Variants in HEXA observed in about 807,000 individuals in gnomAD.
HEXA encodes the protein beta-hexosaminidase subunit alpha.
HEXA carries 54 observed loss-of-function variants against 73.3 expected under a neutral mutation model. The ratio of observed to expected loss-of-function variants is 0.74; its 90% CI spans 0.59 to 0.92. HEXA has a LOEUF of 0.92. HEXA is among the 40% of genes least tolerant of loss of function. The pLI is 0.00. For missense variants in HEXA, 649 were observed against 653.0 expected (o/e 0.99, Z 0.07); for synonymous variants, 230 against 246.9 (o/e 0.93, Z 0.64).
intron 7 of HEXA, among the ~76,000 whole-genome samples, chr15:72,349,761 T>G (rs1462587071): frequency 1.3e-5 from 2 of 151,996 alleles, no homozygotes; most frequent in Admixed American, 1.3e-4. Context: ...TTTTTTTGGT[T>G]GTTGTTGTTT....
chr15:72,345,408 G>T, intron 13 of HEXA, 38 bp downstream of exon 13: 1 of 1,613,224 alleles, frequency 6.2e-7, no homozygotes, highest in Non-Finnish European at 8.5e-7. Context: ...CCTGGATCTG[G>T]CCTGCTCCGC....
intron 2 of HEXA, chr15:72,355,905 C>T: frequency 1.9e-6 from 1 of 538,718 alleles, no homozygotes. Flanking sequence ...CAAAGCACCA[C>T]CTACCTCATG....
intron 13 of HEXA, 102 bp from the exon 14 acceptor site, chr15:72,344,242 C>T: frequency 1.2e-6 from 1 of 805,240 alleles, no homozygotes. Context: ...ATTTCGGTGA[C>T]TCTCAAACTG....
Position 72,343,599 on chromosome 15 carries a change from C to T in HEXA, c.*478G>A. 1 of 197,952 alleles carries T rather than the reference C, an allele frequency of 5.1e-6. No individual in the cohort carries two copies. The highest frequency in any genetic ancestry group is 1.1e-5 in the Non-Finnish European group (1 of 94,238). The allele number at this position is 197,952 out of a possible 1,614,324, so 12.3% of individuals were successfully genotyped here. On this transcript the variant is annotated 3_prime_UTR_variant, in exon 14 of 14. Coordinates refer to ENST00000268097, the MANE Select transcript of HEXA (RefSeq NM_000520.6). ...TGGGTCTGGAGCCCTCCCCACTGTC[C>T]AGAACACCTCCAAGCCCCTACATCT...
intron 1 of HEXA, among the ~76,000 whole-genome samples, chr15:72,375,087 G>T (rs1010516756): frequency 8.7e-6 from 1 of 115,528 alleles, no homozygotes; most frequent in African/African-American, 3.2e-5. Context: ...GTTTTGTTTG[G>T]GGGGGGGGGT....
chr15:72,364,981 C>G (rs1160484732), intron 1 of HEXA, among the ~76,000 whole-genome samples: 1 of 152,016 alleles, frequency 6.6e-6, no homozygotes, highest in Non-Finnish European at 1.5e-5. Flanking sequence ...ACCAGCATGT[C>G]AGGCTAATTT....
At chr15:72,346,496 T>C in intron 11 of HEXA, 31 bp downstream of exon 11, 6 of 1,607,594 alleles carry the variant, frequency 3.7e-6, no homozygotes, top group South Asian at 1.1e-5. Flanking sequence ...CCAGCCTCCT[T>C]TGGTTAGCAA....
At chr15:72,361,737 T>G (rs1243465933) in intron 1 of HEXA, among the ~76,000 whole-genome samples, 1 of 152,242 alleles carries the variant, frequency 6.6e-6, no homozygotes. Flanking sequence ...TCTCAAACAT[T>G]GTGTTAAGCA....
intron 1 of HEXA, chr15:72,369,833 A>C (rs2088965190): frequency 6.6e-6 from 1 of 152,264 alleles, no homozygotes; most frequent in African/African-American, 2.4e-5. Flanking sequence ...GAGACGGTTA[A>C]AAACAAACAA....
rs2088578024 is a variant in HEXA, at chr15:72,343,925, G to T, written c.*152C>A. The T allele has an allele frequency of 1.1e-5, 7 of 664,390 alleles. No homozygotes were observed. Among genetic ancestry groups the T allele is most frequent in the Non-Finnish European group, 1.9e-5 (7 of 366,652 alleles). 41.2% of individuals were successfully genotyped at this position (664,390 alleles called of 1,614,324 possible). On this transcript the variant is annotated 3_prime_UTR_variant, in exon 14 of 14. Coordinates refer to ENST00000268097, the MANE Select transcript of HEXA (RefSeq NM_000520.6). The stretch of plus-strand genomic sequence containing the variant: ...TGCCACATTACTCTTTATTGAATGC[G>T]AGCGCCAGCACCGGCCCCTTTCTCT...
At position 72,375,761 on chromosome 15, in the gene HEXA, A is replaced by C; in HGVS notation, c.212T>G (p.Leu71Arg). The part of the protein sequence containing the change: ...LDEAFQRYRD[L>R]LFGSGSWPRP... Reference sequence around the variant, plus strand: ...GGGCCAAGACCCGGAACCGAAAAGCAGGTCACGATAGCGCTGGAAGGCCTC... The same window carrying C: ...GGGCCAAGACCCGGAACCGAAAAGCCGGTCACGATAGCGCTGGAAGGCCTC... The change falls in exon 1 of 14, where the codon CTG becomes CGG. Residue 71 changes from leucine (L) to arginine (R), a missense_variant. Leu to Arg is a moderately radical substitution (Grantham distance 102, BLOSUM62 -2). Transcript: ENST00000268097. The C allele has an allele frequency of 6.2e-7, 1 of 1,614,244 alleles. No individual in the cohort carries two copies.
At position 72,345,564 on chromosome 15, in the gene HEXA, G is replaced by A. The variant is rs942212689; in HGVS notation, c.1422-14C>T. 1.2e-6 allele frequency: 2 copies of A among 1,613,982 alleles called. No homozygotes were observed. Among genetic ancestry groups the A allele is most frequent in the South Asian group, 1.1e-5 (1 of 91,038 alleles). ...CCTGCTCTGGGCCTGGAGGAAAAGGGGCATGTGCCAGATTGGGCCCTGTAT... is the reference window on the plus strand; with the variant it reads ...CCTGCTCTGGGCCTGGAGGAAAAGGAGCATGTGCCAGATTGGGCCCTGTAT... On this transcript the variant is annotated splice_polypyrimidine_tract_variant and intron_variant, in intron 12 of 13. Coordinates refer to ENST00000268097, the MANE Select transcript of HEXA (RefSeq NM_000520.6).
intron 1 of HEXA, chr15:72,362,311 A>G: frequency 5.8e-6 from 2 of 344,864 alleles, no homozygotes; most frequent in South Asian, 2.2e-5. Flanking sequence ...TCATGCAGCA[A>G]TGTATACATA....
In HEXA at chr15:72,343,829, T is replaced by G. The variant is rs766460302; in HGVS notation, c.*248A>C. 4 of 458,108 alleles carry G rather than the reference T, an allele frequency of 8.7e-6. No homozygotes were observed. Among genetic ancestry groups the G allele is most frequent in the Non-Finnish European group, 1.6e-5 (4 of 247,214 alleles). 28.4% of individuals were successfully genotyped at this position (458,108 alleles called of 1,614,324 possible). ...GGGCAGACACTGACTCCAGCCTGGC[T>G]GTGCCCTTACCCTAACGCCATTCAC... On this transcript the variant is annotated 3_prime_UTR_variant, in exon 14 of 14. Coordinates refer to ENST00000268097, the MANE Select transcript of HEXA (RefSeq NM_000520.6).
At chr15:72,359,941 G>A (rs1211977689) in intron 1 of HEXA, 1 of 151,984 alleles carries the variant, frequency 6.6e-6, no homozygotes, top group East Asian at 1.9e-4. Flanking sequence ...TAATAACAAG[G>A]ACGCTCTATC....
chr15:72,353,790 G>A (rs1057378615), intron 3 of HEXA, 53 bp from the exon 4 acceptor site: 2 of 1,276,716 alleles, frequency 1.6e-6, no homozygotes, highest in Non-Finnish European at 1.1e-6. Flanking sequence ...AAAAAGAGAT[G>A]TCTCTATTTG....
chr15:72,350,383 CA>C, intron 7 of HEXA, 134 bp downstream of exon 7: 1 of 930,126 alleles, frequency 1.1e-6, no homozygotes, highest in Non-Finnish European at 1.8e-6. Flanking sequence ...TCTAAATTCC[CA>C]GGTGGAAGAA....
At chr15:72,372,348 C>CAA (rs59888548) in intron 1 of HEXA, among the ~76,000 whole-genome samples, 5 of 134,268 alleles carry the variant, frequency 3.7e-5, no homozygotes, top group East Asian at 2.2e-4. Context: ...GACTCCATCT[C>CAA]AAAAAAAAAA....
intron 8 of HEXA, 60 bp from the exon 9 acceptor site, chr15:72,348,194 G>T: frequency 6.8e-6 from 8 of 1,168,154 alleles, no homozygotes; most frequent in Non-Finnish European, 1.0e-5. Flanking sequence ...TAATGCCTGG[G>T]GATTAGTCAC....
Sources: allele counts gnomAD v4.1 joint callset (sites outside exome capture counted in the v4.1 genomes callset), GRCh38; gene constraint gnomAD v4.1.1; transcripts MANE v1.5; gene names NCBI Gene and HGNC (gene_info 2026-07-23, HGNC 2026-07-21).